Variants in CAPN13 observed in about 807,000 individuals in gnomAD.
CAPN13 encodes calpain 13.
CAPN13 carries 90 observed loss-of-function variants against 98.4 expected under a neutral mutation model. The observed-to-expected ratio is 0.92, with a 90% confidence interval of 0.77 to 1.09. The LOEUF (loss-of-function observed/expected upper bound fraction) is 1.09. Among genes scored for constraint, CAPN13 ranks in the 50% least tolerant of loss-of-function variants. CAPN13 has a pLI of 0.00. For missense variants in CAPN13, 887 were observed against 841.3 expected, an observed-to-expected ratio of 1.05 and a Z score of -0.67; for synonymous variants, 330 against 305.5, an observed-to-expected ratio of 1.08 and a Z score of -0.84.
chr2:30,734,580 TC>T, intron 18 of CAPN13, 56 bp from the exon 19 acceptor site: 1 of 1,358,336 alleles, frequency 7.4e-7, no homozygotes, highest in Non-Finnish European at 1.0e-6. Context: ...GTCTGGATAC[TC>T]CTTTTCCATC....
intron 19 of CAPN13, among the ~76,000 whole-genome samples, chr2:30,734,239 G>A (rs1386520756): frequency 6.6e-6 from 1 of 152,182 alleles, no homozygotes; most frequent in Non-Finnish European, 1.5e-5. Context: ...AAAATTGAAT[G>A]GCACGTGAGA....
In CAPN13 at chr2:30,740,081, G is replaced by C. The variant is rs560977503; in HGVS notation, c.1537-1624C>G. Among the ~76,000 whole-genome samples the C allele has an allele frequency of 2.4e-4, 28 of 116,522 alleles. No homozygotes were observed. In the East Asian group the frequency reaches 7.5e-3, roughly 31 times the overall value. The allele number at this position is 116,522 out of a possible 152,430, so 76.4% of individuals were successfully genotyped here. ...GTGGTAGTATCAAGTCATTGTATTA[G>C]GTTTTTTTTTTTTTTTTTTTTTTTT... On this transcript the variant is annotated intron_variant, in intron 15 of 22. Transcript: ENST00000295055.
At chr2:30,769,777 C>T (rs1673301460) in intron 5 of CAPN13, among the ~76,000 whole-genome samples, 2 of 152,322 alleles carry the variant, frequency 1.3e-5, no homozygotes, top group South Asian at 2.1e-4. Context: ...GCCCCACCCC[C>T]ACACATAAAT....
intron 20 of CAPN13, among the ~76,000 whole-genome samples, chr2:30,732,057 G>C (rs1671125943): frequency 6.6e-6 from 1 of 152,190 alleles, no homozygotes; most frequent in Non-Finnish European, 1.5e-5. Context: ...AGCCTGGGGA[G>C]GGACCTCCTG....
At chr2:30,771,205 T>C (rs986179859) in intron 4 of CAPN13, among the ~76,000 whole-genome samples, 1 of 152,232 alleles carries the variant, frequency 6.6e-6, no homozygotes, top group Non-Finnish European at 1.5e-5. Context: ...GGAAAATTCA[T>C]AACAAATCCA....
In CAPN13 at chr2:30,798,810, C is replaced by T. The variant is rs148514213; in HGVS notation, c.-33+8492G>A. Among the ~76,000 whole-genome samples the T allele has an allele frequency of 2.0e-5, 3 of 152,210 alleles. No individual in the cohort carries two copies. The East Asian group carries it at 5.8e-4, about 29-fold the overall frequency. ...CCCACAACAGTGTTCCAGCAAAACC[C>T]ATTACTAATTCCACAACTCAAATTA... On this transcript the variant is annotated intron_variant, in intron 1 of 22. Transcript: ENST00000295055.
intron 1 of CAPN13, chr2:30,806,399 A>C (rs1037119918): frequency 1.5e-5 from 2 of 132,094 alleles, no homozygotes; most frequent in Admixed American, 7.2e-5. Flanking sequence ...CCAACCTTCA[A>C]AATAACAACA....
rs749567592 is a variant in CAPN13, at chr2:30,764,219, A to G, written c.612T>C (p.His204=). ...CCAGGTCCACAGGGGAAGAGTGCAG[A>G]TGGATGTTGGTGATCACGCCTCCTG... ...DLTGGVITNI[H]LHSSPVDLVK... is the part of the protein sequence containing the mutation. The change falls in exon 6 of 23, where the codon CAT becomes CAC. Residue 204 remains histidine, a synonymous_variant. Coordinates refer to ENST00000295055, the MANE Select transcript of CAPN13 (RefSeq NM_144575.3). The G allele has an allele frequency of 1.2e-6, 2 of 1,612,746 alleles. No individual in the cohort carries two copies. The highest frequency in any genetic ancestry group is 1.7e-6 in the Non-Finnish European group (2 of 1,179,478).
rs1672552264 is a variant in CAPN13 at position 30,758,088 on chromosome 2, CA to C, written c.823del (p.Trp275GlyfsTer76). 1 of 1,611,046 alleles carries C rather than the reference CA, an allele frequency of 6.2e-7. No homozygotes were observed. Among genetic ancestry groups the C allele is most frequent in the Non-Finnish European group, 8.5e-7 (1 of 1,178,824 alleles). On this transcript the variant is annotated frameshift_variant, in exon 8 of 23. Coordinates refer to ENST00000295055, the MANE Select transcript of CAPN13 (RefSeq NM_144575.3). LOFTEE classifies it high-confidence loss of function. ...WEEIISLWNP[W>X]GWGEAEWRGR... is the part of the protein sequence containing the mutation. ...TCTCCATTCGGCCTCGCCCCAGCCCCAGGGGTTCCACAGGGAGATAATTTCT... is the reference window on the plus strand; with the variant it reads ...TCTCCATTCGGCCTCGCCCCAGCCCCGGGGTTCCACAGGGAGATAATTTCT...
rs976027727 is a variant in CAPN13 at position 30,736,359 on chromosome 2, A to G, written c.1722+144T>C. ...TTTGGAGTTGCACTATGTCTCCCCA[A>G]ACAACATGTGAGCTCTCCTTGAGGG... On this transcript the variant is annotated intron_variant, in intron 18 of 22. Coordinates refer to ENST00000295055, the MANE Select transcript of CAPN13 (RefSeq NM_144575.3). The G allele has an allele frequency of 1.9e-5, 15 of 769,794 alleles. No individual in the cohort carries two copies. The Middle Eastern group carries it at 7.0e-4, about 36-fold the overall frequency. The allele number at this position is 769,794 out of a possible 1,614,324, so 47.7% of individuals were successfully genotyped here.
chr2:30,770,011 G>A lies in CAPN13; in HGVS notation c.524+302C>T, dbSNP rs17324843. 0.7 allele frequency among the ~76,000 whole-genome samples: 106,283 copies of A among 152,042 alleles called. 37,285 individuals carry two copies. Among genetic ancestry groups the A allele is most frequent in the South Asian group, 0.78 (3,757 of 4,822 alleles). On this transcript the variant is annotated intron_variant, in intron 5 of 22. Transcript: ENST00000295055. ...GAGTCAGAATTGTTCACTCCTCCGC[G>A]CTCTCATCGGACTTTGACCGTGATA... is the stretch of plus-strand genomic sequence containing the variant.
At chr2:30,762,961 G>T (rs764447264) in intron 7 of CAPN13, 121 bp downstream of exon 7, 10 of 752,056 alleles carry the variant, frequency 1.3e-5, no homozygotes, top group Non-Finnish European at 1.9e-5. Context: ...CAGAGGCAAG[G>T]GCGATATATC....
intron 1 of CAPN13, among the ~76,000 whole-genome samples, chr2:30,792,839 T>C (rs548517022): frequency 6.6e-4 from 100 of 151,646 alleles, no homozygotes; most frequent in African/African-American, 2.2e-3. Context: ...AATCCAATAA[T>C]GTAAAAAAAA....
intron 3 of CAPN13, among the ~76,000 whole-genome samples, chr2:30,776,601 T>C (rs1050535084): frequency 6.6e-6 from 1 of 152,210 alleles, no homozygotes; most frequent in Admixed American, 6.5e-5. Flanking sequence ...TTCGCGTTTT[T>C]CTTTGCTGTT....
At chr2:30,769,588 G>A (rs1481220510) in intron 5 of CAPN13, among the ~76,000 whole-genome samples, 1 of 152,190 alleles carries the variant, frequency 6.6e-6, no homozygotes, top group Non-Finnish European at 1.5e-5. Flanking sequence ...CTGTCCCAGT[G>A]CCAAGCACAG....
At chr2:30,790,998 C>T (rs1249081327) in intron 1 of CAPN13, among the ~76,000 whole-genome samples, 1 of 151,790 alleles carries the variant, frequency 6.6e-6, no homozygotes, top group African/African-American at 2.4e-5. Context: ...TCTCTAGGTA[C>T]AATCATGTTG....
intron 1 of CAPN13, among the ~76,000 whole-genome samples, chr2:30,788,576 A>AT (rs1460189406): frequency 6.6e-6 from 1 of 152,184 alleles, no homozygotes; most frequent in African/African-American, 2.4e-5. Flanking sequence ...TGGCACAAAA[A>AT]ATCCCAAGGT....
At chr2:30,743,981 C>T (rs1448414835) in intron 12 of CAPN13, among the ~76,000 whole-genome samples, 1 of 152,220 alleles carries the variant, frequency 6.6e-6, no homozygotes, top group Non-Finnish European at 1.5e-5. Context: ...GACTGCTATA[C>T]CATTACAGAA....
intron 13 of CAPN13, among the ~76,000 whole-genome samples, chr2:30,742,673 T>C (rs548742694): frequency 6.6e-6 from 1 of 152,322 alleles, no homozygotes; most frequent in South Asian, 2.1e-4. Flanking sequence ...GGTGGTATGA[T>C]GGCGGCCTGG....
Sources: gnomAD v4.1 joint callset for allele counts (sites outside exome capture counted in the v4.1 genomes callset) on GRCh38, gnomAD v4.1.1 for gene constraint, MANE v1.5 for transcripts, NCBI Gene and HGNC (gene_info 2026-07-23, HGNC 2026-07-21) for gene names.